Variants in PTBP2 observed in about 807,000 individuals in gnomAD.
The protein encoded by PTBP2 is polypyrimidine tract-binding protein 2.
PTBP2 carries 13 observed loss-of-function variants against 61.4 expected under a neutral mutation model. That is an observed-to-expected ratio of 0.21 (90% CI 0.14 to 0.34). The LOEUF (loss-of-function observed/expected upper bound fraction) is 0.34. Among genes scored for constraint, PTBP2 ranks in the 10% least tolerant of loss-of-function variants. The pLI is 1.00. For synonymous variants in PTBP2, 215 were observed against 218.5 expected (o/e 0.98, Z 0.14); for missense variants, 405 against 642.6 (o/e 0.63, Z 4.00).
chr1:96,735,294 C>T (rs1652017109), intron 2 of PTBP2, among the ~76,000 whole-genome samples: 1 of 152,028 alleles, frequency 6.6e-6, no homozygotes, highest in African/African-American at 2.4e-5. Context: ...AATAGTAATA[C>T]TATACAGTAT....
chr1:96,733,649 C>T (rs767706666), intron 2 of PTBP2, among the ~76,000 whole-genome samples: 22 of 151,958 alleles, frequency 1.4e-4, no homozygotes, highest in East Asian at 7.7e-4. Context: ...CCAGCCTGGG[C>T]GAGAGGAGAT....
intron 2 of PTBP2, among the ~76,000 whole-genome samples, chr1:96,731,085 C>G (rs1277767461): frequency 6.6e-6 from 1 of 152,028 alleles, no homozygotes; most frequent in African/African-American, 2.4e-5. Flanking sequence ...ATGGAGGATA[C>G]TCGTGTGGCT....
rs924236004 is a variant in PTBP2, at chr1:96,813,645, T to G, written c.*240T>G. On this transcript the variant is annotated 3_prime_UTR_variant, in exon 14 of 14. Transcript: ENST00000674951. ...GGGAAGCCATTTTGTCTGTTTAAAA[T>G]TTCAGTTTAATTTTGCTTTTTTTTT... The G allele has an allele frequency of 5.9e-6, 2 of 338,216 alleles. No homozygotes were observed. Among genetic ancestry groups the G allele is most frequent in the Non-Finnish European group, 1.0e-5 (2 of 191,754 alleles). 21.0% of individuals were successfully genotyped at this position (338,216 alleles called of 1,614,324 possible).
intron 8 of PTBP2, among the ~76,000 whole-genome samples, chr1:96,788,171 A>C (rs546411414): frequency 6.6e-6 from 1 of 152,264 alleles, no homozygotes; most frequent in African/African-American, 2.4e-5. Context: ...AATTTGCTAA[A>C]TTGCTTGCCT....
At chr1:96,779,094 T>G (rs1658364212) in intron 7 of PTBP2, among the ~76,000 whole-genome samples, 1 of 152,108 alleles carries the variant, frequency 6.6e-6, no homozygotes. Context: ...AGCCTTTCTC[T>G]CCAGTATGCT....
At chr1:96,730,927 A>G (rs1374092409) in intron 2 of PTBP2, among the ~76,000 whole-genome samples, 3 of 152,012 alleles carry the variant, frequency 2.0e-5, no homozygotes, top group African/African-American at 7.2e-5. Context: ...TATTCTGTAT[A>G]GTTGCTTGAT....
chr1:96,765,708 TTAGATAGA>T (rs34315705), intron 3 of PTBP2, among the ~76,000 whole-genome samples: 5,600 of 147,364 alleles, frequency 0.038, 295 homozygotes, highest in African/African-American at 0.12. Flanking sequence ...AGACTCTGTC[TTAGATAGA>T]TAGATAGATA....
intron 8 of PTBP2, among the ~76,000 whole-genome samples, chr1:96,801,546 T>C (rs893591036): frequency 2.0e-5 from 3 of 152,114 alleles, no homozygotes; most frequent in African/African-American, 7.2e-5. Context: ...TATGTGTGTT[T>C]ATGTGCTTTA....
At chr1:96,748,436 A>AT (rs34168312) in intron 2 of PTBP2, among the ~76,000 whole-genome samples, 44,414 of 151,294 alleles carry the variant, frequency 0.29, 7,174 homozygotes, top group South Asian at 0.44. Flanking sequence ...GCTTTTGCAC[A>AT]TTTTTTTTTA....
chr1:96,755,861 C>T (rs571125877), intron 3 of PTBP2, among the ~76,000 whole-genome samples: 1 of 152,260 alleles, frequency 6.6e-6, no homozygotes, highest in Admixed American at 6.5e-5. Flanking sequence ...CAAAGGGACA[C>T]AGGAAAACTC....
chr1:96,747,303 T>G (rs1455212515), intron 2 of PTBP2, among the ~76,000 whole-genome samples: 1 of 152,206 alleles, frequency 6.6e-6, no homozygotes, highest in African/African-American at 2.4e-5. Flanking sequence ...AGTTTTTAGC[T>G]TTTCAACTGT....
chr1:96,804,707 A>T (rs552863479), intron 8 of PTBP2, 93 bp from the exon 9 acceptor site: 3 of 1,295,550 alleles, frequency 2.3e-6, no homozygotes, highest in Non-Finnish European at 3.2e-6. Flanking sequence ...GCCGTAAGCC[A>T]TGCAGCCATC....
chr1:96,746,494 T>G (rs1251569990), intron 2 of PTBP2, among the ~76,000 whole-genome samples: 2 of 152,148 alleles, frequency 1.3e-5, no homozygotes, highest in Admixed American at 6.5e-5. Context: ...TGCCTATTTG[T>G]GTTTTTTGCT....
At chr1:96,767,083 C>G (rs1656817468) in intron 3 of PTBP2, among the ~76,000 whole-genome samples, 1 of 152,074 alleles carries the variant, frequency 6.6e-6, no homozygotes, top group South Asian at 2.1e-4. Flanking sequence ...AATATTGATG[C>G]AAAATAAAAT....
chr1:96,759,791 A>G (rs974762805), intron 3 of PTBP2, among the ~76,000 whole-genome samples: 8 of 152,210 alleles, frequency 5.3e-5, no homozygotes, highest in African/African-American at 1.7e-4. Context: ...ATATGACTGT[A>G]TTAGTCCATT....
chr1:96,782,676 T>C (rs1161426240), intron 7 of PTBP2, among the ~76,000 whole-genome samples: 2 of 151,996 alleles, frequency 1.3e-5, no homozygotes, highest in East Asian at 1.9e-4. Context: ...TTGCCAAATA[T>C]TAAAAAGTAG....
intron 3 of PTBP2, among the ~76,000 whole-genome samples, chr1:96,753,729 T>G (rs1314335625): frequency 1.3e-5 from 2 of 151,366 alleles, no homozygotes; most frequent in East Asian, 1.9e-4. Context: ...GTTGAAGAGA[T>G]AAAAAACTAT....
chr1:96,760,439 G>C (rs956509667), intron 3 of PTBP2, among the ~76,000 whole-genome samples: 6 of 123,374 alleles, frequency 4.9e-5, no homozygotes, highest in African/African-American at 1.7e-4. Flanking sequence ...AAAATAGTTT[G>C]CTTTTTTTTT....
intron 2 of PTBP2, among the ~76,000 whole-genome samples, chr1:96,740,824 T>C (rs1652905620): frequency 6.6e-6 from 1 of 152,002 alleles, no homozygotes; most frequent in African/African-American, 2.4e-5. Flanking sequence ...TAGTATATGA[T>C]ATATGAATAT....
Sources: gnomAD v4.1 joint callset for allele counts (sites outside exome capture counted in the v4.1 genomes callset) on GRCh38, gnomAD v4.1.1 for gene constraint, MANE v1.5 for transcripts, NCBI Gene and HGNC (gene_info 2026-07-23, HGNC 2026-07-21) for gene names.